Variants in DMAC2L observed in about 807,000 individuals in gnomAD.
The protein encoded by DMAC2L is ATP synthase subunit s, mitochondrial.
Under a neutral mutation model 22.5 loss-of-function variants are expected in DMAC2L, and 21 were observed. That is an observed-to-expected ratio of 0.93 (90% CI 0.66 to 1.34). The LOEUF (loss-of-function observed/expected upper bound fraction) is 1.34. Among genes scored for constraint, DMAC2L ranks in the 40% most tolerant of loss-of-function variants. DMAC2L has a pLI of 0.00. For synonymous variants in DMAC2L, 86 were observed against 89.5 expected (o/e 0.96, Z 0.22); for missense variants, 239 against 246.5 (o/e 0.97, Z 0.20).
upstream of DMAC2L, chr14:50,312,245 G>A: frequency 3.3e-6 from 5 of 1,535,590 alleles, no homozygotes; most frequent in East Asian, 7.2e-5. Context: ...CCCTCACGCG[G>A]GGGCCAATGA....
chr14:50,326,578 C>T lies in DMAC2L; in HGVS notation c.*855C>T. The T allele has an allele frequency of 1.0e-6, 1 of 985,424 alleles. No homozygotes were observed. Among genetic ancestry groups the T allele is most frequent in the African/African-American group, 1.7e-5 (1 of 57,346 alleles). The allele number at this position is 985,424 out of a possible 1,614,324, so 61.0% of individuals were successfully genotyped here. A position where few individuals can be genotyped will look rare whatever the true frequency, so the allele number is the denominator to read the frequency against. ...GTGTTCTTGATAGCATACAGACTTACTCAGAATCAACAGTTGCTGCTTAAT... is the reference window on the plus strand; with the variant it reads ...GTGTTCTTGATAGCATACAGACTTATTCAGAATCAACAGTTGCTGCTTAAT... On this transcript the variant is annotated 3_prime_UTR_variant, in exon 6 of 6. Coordinates refer to ENST00000557421, the MANE Select transcript of DMAC2L (RefSeq NM_001382507.1).
intron 1 of DMAC2L, chr14:50,312,958 T>A: frequency 6.2e-7 from 1 of 1,610,292 alleles, no homozygotes. Context: ...GACAGCTCGG[T>A]TTTTGCCACC....
Position 50,321,591 on chromosome 14 carries a change from A to C in DMAC2L, c.104A>C (p.Asn35Thr). 1.2e-6 allele frequency: 2 copies of C among 1,606,906 alleles called. No individual in the cohort carries two copies. Among genetic ancestry groups the C allele is most frequent in the Non-Finnish European group, 1.7e-6 (2 of 1,173,568 alleles). The change falls in exon 3 of 6, where the codon AAT becomes ACT. Residue 35 changes from asparagine (N) to threonine (T), a missense_variant. Asn to Thr is a moderately conservative substitution (Grantham distance 65). Coordinates refer to ENST00000557421, the MANE Select transcript of DMAC2L (RefSeq NM_001382507.1). ...TGGGGCTGGTTGAATGCAGTGTTTA[A>C]TAAGTAAGTTACTCTAAATAAAGTG... ...YFWGWLNAVF[N>T]KVDYDRIRDV...
At chr14:50,325,037 G>C (rs1183259783) in intron 5 of DMAC2L, among the ~76,000 whole-genome samples, 1 of 152,220 alleles carries the variant, frequency 6.6e-6, no homozygotes, top group Non-Finnish European at 1.5e-5. Context: ...GCCTCCCAAA[G>C]TGCTGGGATT....
At chr14:50,312,694 G>T (rs999832352) in intron 1 of DMAC2L, 1 of 292,336 alleles carries the variant, frequency 3.4e-6, no homozygotes, top group Non-Finnish European at 6.4e-6. Flanking sequence ...CGCGGTAGAC[G>T]GAGGGCCTGG....
intron 3 of DMAC2L, among the ~76,000 whole-genome samples, chr14:50,322,071 T>C (rs929064905): frequency 6.6e-6 from 1 of 152,210 alleles, no homozygotes; most frequent in Non-Finnish European, 1.5e-5. Context: ...GAAAAAAGCA[T>C]ATGTAGAAAT....
chr14:50,322,971 G>C, intron 4 of DMAC2L: 1 of 1,359,094 alleles, frequency 7.4e-7, no homozygotes, highest in Non-Finnish European at 9.4e-7. Flanking sequence ...TTAAAATCCA[G>C]GGCCTTGTTT....
At chr14:50,312,085 G>C (rs779489475), upstream of DMAC2L, 5 of 1,605,822 alleles carry the variant, frequency 3.1e-6, no homozygotes, top group Non-Finnish European at 4.2e-6. Context: ...CCCCAGGGGA[G>C]CCACCGGCGA....
intron 2 of DMAC2L, chr14:50,319,319 C>G: frequency 6.5e-7 from 1 of 1,536,098 alleles, no homozygotes; most frequent in Admixed American, 2.0e-5. Flanking sequence ...GTTCTGTCTT[C>G]AGTTCACATC....
At chr14:50,312,217 C>T (rs1566548244), upstream of DMAC2L, 42 of 1,584,652 alleles carry the variant, frequency 2.7e-5, no homozygotes, top group Non-Finnish European at 3.6e-5. Context: ...GCCGAGGACC[C>T]GCGCTCTTTA....
chr14:50,325,018 C>T (rs1315567406), intron 5 of DMAC2L, among the ~76,000 whole-genome samples: 1 of 152,352 alleles, frequency 6.6e-6, no homozygotes, highest in South Asian at 2.1e-4. Context: ...TCATGATCCG[C>T]CCGCCTCGGC....
At chr14:50,314,341 C>G (rs539525551) in intron 1 of DMAC2L, among the ~76,000 whole-genome samples, 1 of 152,300 alleles carries the variant, frequency 6.6e-6, no homozygotes, top group Admixed American at 6.5e-5. Context: ...GTGACTTGCT[C>G]CTCCTTGCCT....
At chr14:50,321,386 C>T (rs751418724) in intron 2 of DMAC2L, 97 bp from the exon 3 acceptor site, 7 of 1,443,506 alleles carry the variant, frequency 4.8e-6, no homozygotes, top group Non-Finnish European at 6.4e-6. Flanking sequence ...AGTGAGTCAT[C>T]AGCTTTATCA....
intron 5 of DMAC2L, among the ~76,000 whole-genome samples, chr14:50,324,937 G>A (rs1368056661): frequency 2.6e-5 from 4 of 152,020 alleles, no homozygotes; most frequent in African/African-American, 4.8e-5. Context: ...CACCACGCCC[G>A]GCTAATGTTT....
chr14:50,324,161 G>A (rs776857018), intron 5 of DMAC2L, 45 bp downstream of exon 5: 2 of 1,534,004 alleles, frequency 1.3e-6, no homozygotes, highest in African/African-American at 2.8e-5. Context: ...TGCTGTTAAG[G>A]TGAATAGTTA....
intron 2 of DMAC2L, among the ~76,000 whole-genome samples, chr14:50,321,156 G>T (rs1353449535): frequency 6.6e-6 from 1 of 152,126 alleles, no homozygotes; most frequent in Non-Finnish European, 1.5e-5. Flanking sequence ...GAATAGAGGA[G>T]CCAGCTTCAG....
intron 1 of DMAC2L, chr14:50,313,074 AT>A: frequency 6.3e-7 from 1 of 1,599,382 alleles, no homozygotes; most frequent in Non-Finnish European, 8.6e-7. Flanking sequence ...ACTTCACCTG[AT>A]TCCCTTTATG....
chr14:50,323,844 T>A, intron 4 of DMAC2L, 101 bp from the exon 5 acceptor site: 4 of 960,808 alleles, frequency 4.2e-6, no homozygotes, highest in Non-Finnish European at 6.3e-6. Flanking sequence ...TCCCAGGACA[T>A]AGGACTTTCA....
intron 1 of DMAC2L, chr14:50,312,748 A>T: frequency 2.3e-6 from 1 of 431,290 alleles, no homozygotes; most frequent in South Asian, 3.2e-5. Context: ...TCGAGCGTCC[A>T]CTAGAAGGGC....
Sources: allele counts gnomAD v4.1 joint callset (sites outside exome capture counted in the v4.1 genomes callset), GRCh38; gene constraint gnomAD v4.1.1; transcripts MANE v1.5; gene names NCBI Gene and HGNC (gene_info 2026-07-23, HGNC 2026-07-21).